GPR107: variants seen among roughly 807,000 people sequenced by gnomAD.
GPR107 encodes the protein protein GPR107.
GPR107 carries 31 observed loss-of-function variants against 75.5 expected under a neutral mutation model. The ratio of observed to expected loss-of-function variants is 0.41; its 90% confidence interval spans 0.31 to 0.55. The LOEUF is 0.55. Ranked by LOEUF, GPR107 falls within the 20% of genes least tolerant of loss-of-function variation. The pLI, the probability that GPR107 is intolerant of heterozygous loss-of-function variation, is 0.26. For synonymous variants in GPR107, 267 were observed against 251.3 expected (o/e 1.06, Z -0.59); for missense variants, 572 against 665.7 (o/e 0.86, Z 1.55).
At chr9:130,071,035 CTTTTTTTT>C (rs56799662) in intron 1 of GPR107, among the ~76,000 whole-genome samples, 6 of 98,178 alleles carry the variant, frequency 6.1e-5, no homozygotes, top group African/African-American at 8.5e-5. Flanking sequence ...TTTTTTTTTT[CTTTTTTTT>C]TTTTTTTTTT....
chr9:130,069,984 CTTTTTTTTTTT>C, intron 1 of GPR107, among the ~76,000 whole-genome samples: 1 of 45,426 alleles, frequency 2.2e-5, no homozygotes, highest in South Asian at 1.1e-3. Flanking sequence ...TGCCTGGCCT[CTTTTTTTTTTT>C]TTTTTTTTTT....
intron 1 of GPR107, among the ~76,000 whole-genome samples, chr9:130,060,131 C>T (rs974136667): frequency 3.3e-5 from 5 of 151,948 alleles, no homozygotes; most frequent in African/African-American, 9.7e-5. Flanking sequence ...GGCGCGATCT[C>T]GGCTCATTGC....
intron 15 of GPR107, among the ~76,000 whole-genome samples, 157 bp downstream of exon 15, chr9:130,125,121 C>T (rs1831643065): frequency 4.8e-5 from 4 of 82,550 alleles, no homozygotes; most frequent in South Asian, 4.1e-4. Context: ...TTTCTGGAGA[C>T]GACGTCTAGC....
chr9:130,069,391 A>G (rs911057241), intron 1 of GPR107, among the ~76,000 whole-genome samples: 4 of 152,144 alleles, frequency 2.6e-5, no homozygotes, highest in Non-Finnish European at 4.4e-5. Context: ...CTGAACCTCC[A>G]TTGCCTGTGT....
intron 17 of GPR107, among the ~76,000 whole-genome samples, chr9:130,130,541 C>A (rs1831799180): frequency 6.6e-6 from 1 of 152,170 alleles, no homozygotes; most frequent in Non-Finnish European, 1.5e-5. Context: ...CAGGTCTCCC[C>A]ACACTTCCAG....
At chr9:130,090,076 G>C (rs1057231923) in intron 7 of GPR107, among the ~76,000 whole-genome samples, 3 of 152,100 alleles carry the variant, frequency 2.0e-5, no homozygotes, top group African/African-American at 7.2e-5. Flanking sequence ...AAATGCTACC[G>C]TAGTCACTTC....
intron 6 of GPR107, among the ~76,000 whole-genome samples, chr9:130,085,775 G>A (rs1251296399): frequency 1.6e-3 from 35 of 22,494 alleles, no homozygotes; most frequent in African/African-American, 6.8e-3. Context: ...TTTTTTTGCC[G>A]GGGGGAACGC....
intron 5 of GPR107, among the ~76,000 whole-genome samples, chr9:130,080,541 G>C (rs1391865104): frequency 1.3e-5 from 2 of 151,440 alleles, no homozygotes; most frequent in African/African-American, 2.4e-5. Flanking sequence ...GCCCAGGCTG[G>C]AGTACAGTGG....
At chr9:130,073,242 T>G (rs145082161) in intron 1 of GPR107, among the ~76,000 whole-genome samples, 1 of 152,360 alleles carries the variant, frequency 6.6e-6, no homozygotes, top group East Asian at 1.9e-4. Flanking sequence ...CCTGCTCCAC[T>G]GAGGATTCTG....
chr9:130,057,258 C>G (rs576126105), intron 1 of GPR107, among the ~76,000 whole-genome samples: 7 of 152,024 alleles, frequency 4.6e-5, no homozygotes, highest in African/African-American at 1.7e-4. Context: ...TAGGGAAGCT[C>G]GTTTGAGGTC....
chr9:130,057,838 T>TA (rs199777420), intron 1 of GPR107, among the ~76,000 whole-genome samples: 2,845 of 150,268 alleles, frequency 0.019, 34 homozygotes, highest in African/African-American at 0.025. Flanking sequence ...TTATTATTAT[T>TA]TTTTTTTTTT....
chr9:130,082,201 C>T (rs1229556058), intron 5 of GPR107, among the ~76,000 whole-genome samples: 3 of 152,172 alleles, frequency 2.0e-5, no homozygotes, highest in African/African-American at 4.8e-5. Context: ...CCCTCACATC[C>T]AACACTGGGG....
At position 130,104,470 on chromosome 9, in the gene GPR107, G is replaced by C. The variant is rs147261140; in HGVS notation, c.1182G>C (p.Thr394=). 1 of 1,612,910 alleles carries C rather than the reference G, an allele frequency of 6.2e-7. No individual in the cohort carries two copies. Among genetic ancestry groups the C allele is most frequent in the East Asian group, 2.2e-5 (1 of 44,870 alleles). The change falls in exon 13 of 18, where the codon ACG becomes ACC. Residue 394 remains threonine, a synonymous_variant. Transcript: ENST00000347136. The part of the protein sequence containing the change: ...YIIIESTEEG[T]TEYGLWKDSL... Reference sequence around the variant, plus strand: ...TCATAGAGTCCACCGAGGAGGGCACGACTGAATATGGCTTGTGGAAGGACT... The same window carrying C: ...TCATAGAGTCCACCGAGGAGGGCACCACTGAATATGGCTTGTGGAAGGACT...
At chr9:130,088,595 AGGC>A (rs751611140) in intron 7 of GPR107, among the ~76,000 whole-genome samples, 5 of 152,230 alleles carry the variant, frequency 3.3e-5, no homozygotes, top group Admixed American at 6.5e-5. Context: ...AACCAATACC[AGGC>A]ATTGTGCTAA....
In GPR107 at chr9:130,135,328, CCT is replaced by C; in HGVS notation, c.*210_*211del. The C allele has an allele frequency of 2.1e-6, 1 of 474,436 alleles. No individual in the cohort carries two copies. The highest frequency in any genetic ancestry group is 3.7e-6 in the Non-Finnish European group (1 of 269,770). 29.4% of individuals were successfully genotyped at this position (474,436 alleles called of 1,614,324 possible). ...TGTGGCTGTTTAGAGGCAGCTGGAT[CCT>C]CTTTCAGGCGGGAATGGGAGGGCGG... On this transcript the variant is annotated 3_prime_UTR_variant, in exon 18 of 18. Coordinates refer to ENST00000347136, the MANE Select transcript of GPR107 (RefSeq NM_020960.5).
At chr9:130,107,438 A>G (rs1831186654) in intron 13 of GPR107, 58 bp from the exon 14 acceptor site, 1 of 969,370 alleles carries the variant, frequency 1.0e-6, no homozygotes, top group Admixed American at 1.7e-5. Flanking sequence ...AGAGCTGGAA[A>G]TAGAGAGGAG....
intron 17 of GPR107, among the ~76,000 whole-genome samples, chr9:130,133,418 T>G (rs947734711): frequency 3.3e-5 from 5 of 152,222 alleles, no homozygotes; most frequent in African/African-American, 1.2e-4. Flanking sequence ...GCTGTGTGAT[T>G]ACTGGAGTGT....
In GPR107 at chr9:130,092,279, A is replaced by G; in HGVS notation, c.761A>G (p.Tyr254Cys). ...ATCACAGAGAAGAATCCTGACAGCT[A>G]CCTCTCAGCAGGAGAAATTCCTCTC... is the stretch of plus-strand genomic sequence containing the variant. ...IEITEKNPDS[Y>C]LSAGEIPLPK... The change falls in exon 9 of 18, where the codon TAC becomes TGC. Residue 254 changes from tyrosine to cysteine, a missense_variant. Coordinates refer to ENST00000347136, the MANE Select transcript of GPR107 (RefSeq NM_020960.5). The G allele has an allele frequency of 1.2e-6, 2 of 1,608,798 alleles. No homozygotes were observed. Among genetic ancestry groups the G allele is most frequent in the East Asian group, 4.5e-5 (2 of 44,858 alleles).
At chr9:130,132,804 A>AT (rs1831858554) in intron 17 of GPR107, among the ~76,000 whole-genome samples, 1 of 130,846 alleles carries the variant, frequency 7.6e-6, no homozygotes, top group Non-Finnish European at 1.6e-5. Flanking sequence ...AAATAAAAAA[A>AT]AAATATATAT....
Sources: gnomAD v4.1 joint callset for allele counts (sites outside exome capture counted in the v4.1 genomes callset) on GRCh38, gnomAD v4.1.1 for gene constraint, MANE v1.5 for transcripts, NCBI Gene and HGNC (gene_info 2026-07-23, HGNC 2026-07-21) for gene names.